The following PRTG variants were observed in gnomAD, a reference collection of about 807,000 sequenced individuals.
The protein encoded by PRTG is immunoglobulin superfamily, DCC subclass, member 5.
Under a neutral mutation model 122.5 loss-of-function variants are expected in PRTG, and 67 were observed. That is an observed-to-expected ratio of 0.55 (90% CI 0.45 to 0.67). The LOEUF (loss-of-function observed/expected upper bound fraction) is 0.67. PRTG is among the 30% of genes least tolerant of loss of function. The pLI, the probability that PRTG is intolerant of heterozygous loss-of-function variation, is 0.00. For synonymous variants in PRTG, 554 were observed against 501.1 expected, an observed-to-expected ratio of 1.11 and a Z score of -1.41; for missense variants, 1,435 against 1,415.4, an observed-to-expected ratio of 1.01 and a Z score of -0.22.
chr15:55,697,308 T>C (rs1211151420), intron 2 of PRTG, among the ~76,000 whole-genome samples: 1 of 152,190 alleles, frequency 6.6e-6, no homozygotes, highest in Non-Finnish European at 1.5e-5. Context: ...ATGTCTTACT[T>C]GTCTGTGTTG....
chr15:55,733,573 T>C (rs75467917), intron 2 of PRTG, among the ~76,000 whole-genome samples: 6,147 of 146,730 alleles, frequency 0.042, 219 homozygotes, highest in African/African-American at 0.092. Flanking sequence ...ATGCCTATAA[T>C]CCTGGCACTT....
Position 55,637,264 on chromosome 15 carries a change from A to G in PRTG, c.2529T>C (p.Pro843=). 1 of 1,614,036 alleles carries G rather than the reference A, an allele frequency of 6.2e-7. No individual in the cohort carries two copies. The highest frequency in any genetic ancestry group is 1.1e-5 in the South Asian group (1 of 91,064). ...DDTALVSWKP[P]DGPETVVTRY... is the part of the protein sequence containing the mutation. ...GGGTCACAACTGTTTCTGGGCCATC[A>G]GGGGGTTTCCAAGAAACCAGGGCAG... The change falls in exon 15 of 20, where the codon CCT becomes CCC. Residue 843 remains proline, a synonymous_variant. Coordinates refer to ENST00000389286, the MANE Select transcript of PRTG (RefSeq NM_173814.6).
At chr15:55,660,939 C>A (rs182167049) in intron 11 of PRTG, among the ~76,000 whole-genome samples, 1 of 151,978 alleles carries the variant, frequency 6.6e-6, no homozygotes, top group Non-Finnish European at 1.5e-5. Flanking sequence ...CAATTTGATG[C>A]GCCATTTGGA....
intron 11 of PRTG, among the ~76,000 whole-genome samples, chr15:55,669,419 C>T (rs954378782): frequency 1.3e-5 from 2 of 152,324 alleles, no homozygotes; most frequent in African/African-American, 4.8e-5. Flanking sequence ...AGACACATCA[C>T]TCTCTGTTAA....
At chr15:55,736,032 A>T (rs1213793164) in intron 2 of PRTG, among the ~76,000 whole-genome samples, 3 of 152,116 alleles carry the variant, frequency 2.0e-5, no homozygotes, top group South Asian at 2.1e-4. Context: ...TTAAAGGCGA[A>T]TTTTTTTGGA....
At chr15:55,705,973 G>A (rs1450403834) in intron 2 of PRTG, among the ~76,000 whole-genome samples, 22 of 145,014 alleles carry the variant, frequency 1.5e-4, no homozygotes, top group African/African-American at 5.4e-4. Flanking sequence ...TCAGCCTCCC[G>A]AGTAGCTGGG....
At chr15:55,680,313 T>C in intron 5 of PRTG, 101 bp from the exon 6 acceptor site, 1 of 1,181,634 alleles carries the variant, frequency 8.5e-7, no homozygotes, top group Non-Finnish European at 1.2e-6. Flanking sequence ...AAGTATAAAA[T>C]TAAATATAAA....
chr15:55,668,281 A>T (rs936726675), intron 11 of PRTG, among the ~76,000 whole-genome samples: 1 of 152,216 alleles, frequency 6.6e-6, no homozygotes, highest in African/African-American at 2.4e-5. Flanking sequence ...AGTATTACAT[A>T]AAAATCTGCC....
chr15:55,622,931 T>A (rs1478523047), intron 18 of PRTG, among the ~76,000 whole-genome samples: 3 of 152,116 alleles, frequency 2.0e-5, no homozygotes, highest in Non-Finnish European at 4.4e-5. Flanking sequence ...TATTGAAAAG[T>A]AAAACCTAAA....
chr15:55,626,387 C>T (rs375883001), intron 17 of PRTG, among the ~76,000 whole-genome samples: 3 of 148,988 alleles, frequency 2.0e-5, no homozygotes, highest in East Asian at 2.0e-4. Context: ...CCAGCCTGGG[C>T]GACAGAATGA....
At position 55,639,653 on chromosome 15, in the gene PRTG, C is replaced by A; in HGVS notation, c.2313G>T (p.Leu771=). 6.2e-7 allele frequency: 1 copy of A among 1,613,814 alleles called. No individual in the cohort carries two copies. Among genetic ancestry groups the A allele is most frequent in the Non-Finnish European group, 8.5e-7 (1 of 1,179,876 alleles). The change falls in exon 13 of 20, where the codon CTG becomes CTT. Residue 771 remains leucine, a synonymous_variant. Coordinates refer to ENST00000389286, the MANE Select transcript of PRTG (RefSeq NM_173814.6). The part of the protein sequence containing the change: ...PVGLQNASLV[L]YLQTSETHML... ...CAGGAGCTACATACGTTTGAAGGTA[C>A]AGAACCAAAGAAGCATTCTGCAGGC...
intron 15 of PRTG, among the ~76,000 whole-genome samples, chr15:55,631,891 G>T (rs1404717875): frequency 6.6e-6 from 1 of 152,050 alleles, no homozygotes; most frequent in Non-Finnish European, 1.5e-5. Context: ...CTTTACCTCC[G>T]ACTCCTCTTC....
intron 2 of PRTG, among the ~76,000 whole-genome samples, chr15:55,692,308 AAG>A (rs2059607859): frequency 6.6e-6 from 1 of 152,178 alleles, no homozygotes; most frequent in African/African-American, 2.4e-5. Flanking sequence ...AGAACAGCAG[AAG>A]AGAGATCTGC....
intron 2 of PRTG, among the ~76,000 whole-genome samples, chr15:55,693,349 G>A (rs916569489): frequency 1.3e-5 from 2 of 152,034 alleles, no homozygotes; most frequent in Non-Finnish European, 2.9e-5. Flanking sequence ...CCAGCTACTT[G>A]GGAGGGTGAG....
At chr15:55,690,414 T>G (rs770547144) in intron 2 of PRTG, among the ~76,000 whole-genome samples, 3 of 152,178 alleles carry the variant, frequency 2.0e-5, no homozygotes, top group Non-Finnish European at 2.9e-5. Flanking sequence ...TTTAATTAAA[T>G]TACTATCCAA....
Position 55,624,371 on chromosome 15 carries a change from T to C in PRTG, c.3064A>G (p.Ile1022Val), listed in dbSNP as rs1046079450. The C allele has an allele frequency of 6.2e-7, 1 of 1,614,154 alleles. No individual in the cohort carries two copies. Among genetic ancestry groups the C allele is most frequent in the Admixed American group, 1.7e-5 (1 of 60,028 alleles). Residue 1022 changes from isoleucine to valine, a missense_variant, in exon 18 of 20, where the codon ATC becomes GTC. Coordinates refer to ENST00000389286, the MANE Select transcript of PRTG (RefSeq NM_173814.6). ...GCATCAATGAAGCTGTTTGGCATGATCATTGGCATTAAAGATTCTTCATTT... is the reference window on the plus strand; with the variant it reads ...GCATCAATGAAGCTGTTTGGCATGACCATTGGCATTAAAGATTCTTCATTT... ...VGNEESLMPM[I>V]MPNSFIDAKG... is the part of the protein sequence containing the mutation.
chr15:55,730,085 AAT>A (rs1314472718), intron 2 of PRTG, among the ~76,000 whole-genome samples: 1 of 152,136 alleles, frequency 6.6e-6, no homozygotes, highest in Non-Finnish European at 1.5e-5. Flanking sequence ...GAAACTAAGG[AAT>A]GTCTTTAATT....
intron 2 of PRTG, among the ~76,000 whole-genome samples, chr15:55,731,366 CTTTTTTTTTTT>C (rs10658460): frequency 1.3e-4 from 13 of 103,776 alleles, no homozygotes; most frequent in African/African-American, 4.7e-4. Context: ...CCTTATCATT[CTTTTTTTTTTT>C]TTTTTTTTTT....
intron 11 of PRTG, among the ~76,000 whole-genome samples, chr15:55,665,395 G>A (rs1219128735): frequency 6.6e-6 from 1 of 151,990 alleles, no homozygotes; most frequent in Non-Finnish European, 1.5e-5. Flanking sequence ...GCTGGTCCTG[G>A]GACTGCACTT....
Sources: allele counts gnomAD v4.1 joint callset (sites outside exome capture counted in the v4.1 genomes callset), GRCh38; gene constraint gnomAD v4.1.1; transcripts MANE v1.5; gene names NCBI Gene and HGNC (gene_info 2026-07-23, HGNC 2026-07-21).